The following HADHA variants were observed in gnomAD, a reference collection of about 807,000 sequenced individuals.
The protein encoded by HADHA is trifunctional enzyme subunit alpha, mitochondrial.
HADHA carries 59 observed loss-of-function variants against 91.3 expected under a neutral mutation model. The ratio of observed to expected loss-of-function variants is 0.65; its 90% CI spans 0.52 to 0.80. The LOEUF is 0.80. Among genes scored for constraint, HADHA ranks in the 30% least tolerant of loss-of-function variants. The pLI, the probability that HADHA is intolerant of heterozygous loss-of-function variation, is 0.00. For missense variants in HADHA, 800 were observed against 927.6 expected (o/e 0.86, Z 1.79); for synonymous variants, 320 against 338.9 (o/e 0.94, Z 0.61).
At chr2:26,215,890 G>C (rs567851253) in intron 7 of HADHA, among the ~76,000 whole-genome samples, 1 of 152,358 alleles carries the variant, frequency 6.6e-6, no homozygotes, top group South Asian at 2.1e-4. Context: ...TACTTCTATG[G>C]AGAAGGGGGC....
intron 5 of HADHA, among the ~76,000 whole-genome samples, chr2:26,232,837 C>T (rs75327668): frequency 0.014 from 2,074 of 152,202 alleles, 39 homozygotes; most frequent in African/African-American, 0.047. Flanking sequence ...TGTACTTACA[C>T]AAACCCAGAT....
Position 26,230,215 on chromosome 2 carries a change from A to G in HADHA, c.653T>C (p.Val218Ala), listed in dbSNP as rs1277579156. 1.2e-6 allele frequency: 2 copies of G among 1,610,804 alleles called. No individual in the cohort carries two copies. The highest frequency in any genetic ancestry group is 3.3e-5 in the Admixed American group (2 of 60,018). The part of the protein sequence containing the change: ...RADRAKKMGL[V>A]DQLVEPLGPG... ...ACCCAGGGGTTCCACCAGTTGGTCA[A>G]CCAGTCCCATTTTCTTTGCCCTGTC... Residue 218 changes from valine to alanine, a missense_variant, in exon 7 of 20, where the codon GTT becomes GCT. Coordinates refer to ENST00000380649, the MANE Select transcript of HADHA (RefSeq NM_000182.5).
intron 16 of HADHA, 105 bp from the exon 17 acceptor site, chr2:26,193,877 T>A: frequency 1.1e-6 from 1 of 876,192 alleles, no homozygotes; most frequent in East Asian, 2.4e-5. Flanking sequence ...AACCCACTTC[T>A]GAGTGTCACC....
At chr2:26,227,329 T>C (rs1670507837) in intron 7 of HADHA, among the ~76,000 whole-genome samples, 1 of 151,994 alleles carries the variant, frequency 6.6e-6, no homozygotes, top group African/African-American at 2.4e-5. Context: ...CCTGACAACA[T>C]GGTAAAACCC....
chr2:26,192,193 C>T (rs1297042269), intron 18 of HADHA, 117 bp downstream of exon 18: 3 of 673,696 alleles, frequency 4.5e-6, no homozygotes, highest in Admixed American at 2.3e-5. Flanking sequence ...AACAAACCTG[C>T]ACATGTATCC....
chr2:26,193,681 T>A lies in HADHA; in HGVS notation c.1781A>T (p.Asp594Val). ...AATLVDEVGV[D>V]VAKHVAEDLG... ...ATCTTCCGCCACATGTTTCGCTACA[T>A]CCACACCAACTTCATCCACCAGTGT... is the stretch of plus-strand genomic sequence containing the variant. The change falls in exon 17 of 20, where the codon GAT (aspartate) becomes GTT (valine). Residue 594 changes from aspartate (D) to valine (V), a missense_variant. By Grantham distance (152) the Asp-to-Val change is radical. Transcript: ENST00000380649. 1 of 1,614,012 alleles carries A rather than the reference T, an allele frequency of 6.2e-7. No individual in the cohort carries two copies. Among genetic ancestry groups the A allele is most frequent in the Non-Finnish European group, 8.5e-7 (1 of 1,179,922 alleles).
intron 13 of HADHA, among the ~76,000 whole-genome samples, chr2:26,200,554 A>G (rs1338195967): frequency 6.6e-6 from 1 of 152,210 alleles, no homozygotes; most frequent in Admixed American, 6.5e-5. Flanking sequence ...CGGCTAACCA[A>G]AAAATCTCAA....
intron 3 of HADHA, among the ~76,000 whole-genome samples, chr2:26,238,064 G>A (rs1670803094): frequency 2.0e-5 from 3 of 152,212 alleles, no homozygotes; most frequent in African/African-American, 7.2e-5. Flanking sequence ...CTGGAGTGCA[G>A]TGGTGCAATC....
chr2:26,191,619 G>A lies in HADHA; in HGVS notation c.2010C>T (p.Asp670=), dbSNP rs377688807. 7.4e-5 allele frequency: 119 copies of A among 1,613,950 alleles called. 1 individual carries two copies. The highest frequency in any genetic ancestry group is 3.7e-4 in the South Asian group (34 of 91,088). The part of the protein sequence containing the change: ...KLPPKSEVSS[D]EDIQFRLVTR... ...TCACCAGGCGGAACTGGATGTCTTC[G>A]TCTGATGAGCTGCCAACAGAAAGAG... The change falls in exon 19 of 20, where the codon GAC becomes GAT. Residue 670 remains aspartate, a synonymous_variant. Coordinates refer to ENST00000380649, the MANE Select transcript of HADHA (RefSeq NM_000182.5).
chr2:26,240,066 C>G (rs1030399347), intron 1 of HADHA, among the ~76,000 whole-genome samples: 10 of 152,306 alleles, frequency 6.6e-5, no homozygotes, highest in African/African-American at 9.6e-5. Flanking sequence ...CATCATGACT[C>G]CACTCTTTTC....
intron 11 of HADHA, among the ~76,000 whole-genome samples, chr2:26,205,437 T>G (rs1669948038): frequency 1.3e-5 from 2 of 152,142 alleles, no homozygotes; most frequent in Admixed American, 6.5e-5. Flanking sequence ...GAGTGATAAG[T>G]AATTGCAGGA....
intron 12 of HADHA, among the ~76,000 whole-genome samples, chr2:26,201,788 C>CTT (rs112691372): frequency 6.9e-6 from 1 of 145,154 alleles, no homozygotes; most frequent in East Asian, 2.0e-4. Flanking sequence ...TAGTTGTAAT[C>CTT]TTTTTTTTTT....
At chr2:26,207,414 C>CT (rs1669997480) in intron 11 of HADHA, among the ~76,000 whole-genome samples, 1 of 150,190 alleles carries the variant, frequency 6.7e-6, no homozygotes, top group East Asian at 2.0e-4. Context: ...GTGTTTAAAG[C>CT]TTTTTTGGTA....
chr2:26,223,913 A>T (rs540455194), intron 7 of HADHA, among the ~76,000 whole-genome samples: 1 of 152,050 alleles, frequency 6.6e-6, no homozygotes, highest in South Asian at 2.1e-4. Flanking sequence ...CGCCTGGCTA[A>T]TTTTCGTATT....
chr2:26,212,483 T>A (rs777720425), intron 10 of HADHA, 87 bp downstream of exon 10: 2 of 948,804 alleles, frequency 2.1e-6, no homozygotes, highest in Non-Finnish European at 3.5e-6. Flanking sequence ...CTTTGGATAT[T>A]TTTTTCCTTT....
intron 3 of HADHA, 125 bp downstream of exon 3, chr2:26,238,809 C>T: frequency 1.3e-6 from 1 of 757,808 alleles, no homozygotes; most frequent in Non-Finnish European, 2.4e-6. Context: ...ACTGTCAAAA[C>T]TGTAAATTCA....
chr2:26,204,145 G>T lies in HADHA; in HGVS notation c.1137C>A (p.Val379=). ...TAGTCTTTAGCCCCTTATCCACGGA[G>T]ACTTGGGCGATGCCTGCTCCCATCA... ...AGLMGAGIAQ[V]SVDKGLKTIL... is the part of the protein sequence containing the mutation. Residue 379 remains valine, a synonymous_variant, in exon 12 of 20, where the codon GTC becomes GTA. Coordinates refer to ENST00000380649, the MANE Select transcript of HADHA (RefSeq NM_000182.5). 6.2e-7 allele frequency: 1 copy of T among 1,613,566 alleles called. No homozygotes were observed. Among genetic ancestry groups the T allele is most frequent in the South Asian group, 1.1e-5 (1 of 91,078 alleles).
Position 26,221,916 on chromosome 2 carries a change from T to C in HADHA, c.677-6741A>G, listed in dbSNP as rs1044874423. On this transcript the variant is annotated intron_variant, in intron 7 of 19. Coordinates refer to ENST00000380649, the MANE Select transcript of HADHA (RefSeq NM_000182.5). The surrounding 1 kb of genome is among the most constrained non-coding windows in gnomAD (Gnocchi z 4.8). ...TGAGCTAAGGGTCTACTCTGATTCA[T>C]AGGCCGTGGCAAACGGTTTGCCTGG... Among the ~76,000 whole-genome samples, 4 of 152,220 alleles carry C rather than the reference T, an allele frequency of 2.6e-5. No homozygotes were observed. Among genetic ancestry groups the C allele is most frequent in the Admixed American group, 6.5e-5 (1 of 15,284 alleles).
chr2:26,207,319 G>GTT (rs551382537), intron 11 of HADHA, among the ~76,000 whole-genome samples: 15 of 131,078 alleles, frequency 1.1e-4, no homozygotes, highest in Non-Finnish European at 1.8e-4. Context: ...TATTTAGTAG[G>GTT]TTTTTTTTTT....
Sources: gnomAD v4.1 joint callset for allele counts (sites outside exome capture counted in the v4.1 genomes callset) on GRCh38, gnomAD v4.1.1 for gene constraint, Gnocchi (gnomAD v3.1) non-coding constraint, MANE v1.5 for transcripts, NCBI Gene and HGNC (gene_info 2026-07-23, HGNC 2026-07-21) for gene names.